The following NPC1 variants were observed in gnomAD, a reference collection of about 807,000 sequenced individuals.
The protein encoded by NPC1 is NPC intracellular cholesterol transporter 1.
A neutral mutation model predicts 140.4 loss-of-function variants in NPC1; 85 were observed. The ratio of observed to expected loss-of-function variants is 0.61; its 90% CI spans 0.51 to 0.72. The LOEUF is 0.72. Ranked by LOEUF, NPC1 falls within the 30% of genes least tolerant of loss-of-function variation. The pLI is 0.00. For synonymous variants in NPC1, 656 were observed against 624.8 expected, an observed-to-expected ratio of 1.05 and a Z score of -0.74; for missense variants, 1,504 against 1,623.8, an observed-to-expected ratio of 0.93 and a Z score of 1.27.
In NPC1 at chr18:23,531,586, T is replaced by C. The variant is rs2145318401; in HGVS notation, c.*616A>G. 1 of 1,602,398 alleles carries C rather than the reference T, an allele frequency of 6.2e-7. No individual in the cohort carries two copies. The highest frequency in any genetic ancestry group is 1.3e-5 in the African/African-American group (1 of 74,414). ...GATGCTTTCTTTGTCCCTCATTTCA[T>C]GCCACATCTAACTGGCAATTAAATC... On this transcript the variant is annotated 3_prime_UTR_variant, in exon 25 of 25. Coordinates refer to ENST00000269228, the MANE Select transcript of NPC1 (RefSeq NM_000271.5).
chr18:23,510,446 G>A (rs1251261581), intron 3 of NPC1, among the ~76,000 whole-genome samples: 6 of 151,982 alleles, frequency 3.9e-5, no homozygotes, highest in South Asian at 2.1e-4. Flanking sequence ...TCAGGAGTTC[G>A]AGACCAGCAT....
At chr18:23,515,912 T>C (rs202129997) in intron 3 of NPC1, 59 of 1,614,026 alleles carry the variant, frequency 3.7e-5, no homozygotes, top group Non-Finnish European at 5.0e-5. Flanking sequence ...TCAATGTGAA[T>C]TGGTACATGT....
downstream of NPC1, among the ~76,000 whole-genome samples, chr18:23,526,944 TAG>T (rs1003279995): frequency 6.6e-6 from 1 of 152,146 alleles, no homozygotes; most frequent in African/African-American, 2.4e-5. Context: ...AGATGATTTG[TAG>T]AGATACTGGT....
At position 23,539,845 on chromosome 18, in the gene NPC1, G is replaced by A. The variant is rs786204512; in HGVS notation, c.2761C>T (p.Gln921Ter). 1.2e-6 allele frequency: 2 copies of A among 1,614,202 alleles called. No individual in the cohort carries two copies. The highest frequency in any genetic ancestry group is 1.7e-6 in the Non-Finnish European group (2 of 1,180,042). Residue 921 changes from glutamine to a stop codon, truncating the protein, a stop_gained, in exon 18 of 25, where the codon CAG becomes TAG. Coordinates refer to ENST00000269228, the MANE Select transcript of NPC1 (RefSeq NM_000271.5). LOFTEE classifies it high-confidence loss of function. ...AGCTGCGCCGCGTTAAATATCTGCTGCACCAGGGAATCATTGTTGCAGCCC... is the reference window on the plus strand; with the variant it reads ...AGCTGCGCCGCGTTAAATATCTGCTACACCAGGGAATCATTGTTGCAGCCC... ...GMGCNNDSLV[Q>*]QIFNAAQLDN...
downstream of NPC1, chr18:23,526,641 C>T (rs1212850139): frequency 3.1e-6 from 5 of 1,613,866 alleles, no homozygotes; most frequent in Admixed American, 1.7e-5. Context: ...ATCCAGGTTA[C>T]CTCTGGAACC....
chr18:23,574,411 GC>G (rs2059245962), intron 1 of NPC1, among the ~76,000 whole-genome samples: 1 of 152,024 alleles, frequency 6.6e-6, no homozygotes, highest in Non-Finnish European at 1.5e-5. Context: ...TCAAGAAGCA[GC>G]CATGGCTCCC....
intron 3 of NPC1, chr18:23,516,194 C>A: frequency 1.5e-6 from 2 of 1,332,140 alleles, no homozygotes; most frequent in Non-Finnish European, 2.1e-6. Flanking sequence ...TGTGAGAGGA[C>A]ATGGGGGACG....
intron 14 of NPC1, 26 bp downstream of exon 14, chr18:23,543,429 A>G: frequency 7.7e-7 from 1 of 1,293,466 alleles, no homozygotes; most frequent in Non-Finnish European, 1.1e-6. Context: ...AGACTACAGG[A>G]CTGGTAGGAT....
Position 23,532,178 on chromosome 18 carries a change from C to G in NPC1, c.*24G>C. The G allele has an allele frequency of 6.2e-7, 1 of 1,614,146 alleles. No individual in the cohort carries two copies. Among genetic ancestry groups the G allele is most frequent in the Non-Finnish European group, 8.5e-7 (1 of 1,180,044 alleles). The stretch of plus-strand genomic sequence containing the variant: ...AACCGACCGACCCTTAGACACAGTT[C>G]AGTCAGGATGCCCTGCGAGAGGGCT... On this transcript the variant is annotated 3_prime_UTR_variant, in exon 25 of 25. Transcript: ENST00000269228.
chr18:23,562,214 G>A (rs1479045976), intron 4 of NPC1, among the ~76,000 whole-genome samples: 3 of 151,798 alleles, frequency 2.0e-5, no homozygotes, highest in Non-Finnish European at 2.9e-5. Flanking sequence ...GCATGAACCC[G>A]GGAGGCAGAG....
intron 1 of NPC1, chr18:23,524,272 C>T (rs949206251): frequency 3.3e-6 from 5 of 1,516,396 alleles, no homozygotes; most frequent in Non-Finnish European, 4.6e-6. Flanking sequence ...GTGAATAACA[C>T]TCCGAGAGCC....
At chr18:23,547,050 T>G (rs1449759509) in intron 11 of NPC1, among the ~76,000 whole-genome samples, 3 of 152,172 alleles carry the variant, frequency 2.0e-5, no homozygotes, top group Non-Finnish European at 2.9e-5. Context: ...ACTCCCGGCC[T>G]CAAGTGAGCC....
chr18:23,585,890 T>C (rs1184467616), intron 1 of NPC1, among the ~76,000 whole-genome samples: 1 of 152,168 alleles, frequency 6.6e-6, no homozygotes, highest in East Asian at 1.9e-4. Flanking sequence ...CATCCTCAGG[T>C]GATGAGAAGA....
chr18:23,507,548 GC>G (rs2057746477), intron 3 of NPC1, among the ~76,000 whole-genome samples: 1 of 152,158 alleles, frequency 6.6e-6, no homozygotes, highest in Non-Finnish European at 1.5e-5. Flanking sequence ...AGTTGAAGCA[GC>G]CTACAGGCAC....
rs1379156695 is a variant in NPC1, at chr18:23,542,207, C to T, written c.2246-774G>A. On this transcript the variant is annotated intron_variant, in intron 14 of 24. Coordinates refer to ENST00000269228, the MANE Select transcript of NPC1 (RefSeq NM_000271.5). ...ACAGTCTCTGCTGCTATTATCATCA[C>T]ACTTGCACTGGTTTTCTTATAATAG... 5.3e-5 allele frequency among the ~76,000 whole-genome samples: 8 copies of T among 151,956 alleles called. No individual in the cohort carries two copies. In the South Asian group the frequency reaches 1.5e-3, roughly 28 times the overall value.
chr18:23,586,459 G>A lies in NPC1; in HGVS notation c.-116C>T, dbSNP rs574376933. On this transcript the variant is annotated 5_prime_UTR_variant, in exon 1 of 25. Transcript: ENST00000269228. ...CCCGCGCAGGAGGAGCGGAGGAGCA[G>A]GAGCAGGCGCTGACCGCGGCAGCAG... 4.7e-6 allele frequency: 7 copies of A among 1,485,542 alleles called. No homozygotes were observed. In the African/African-American group the frequency reaches 5.8e-5, roughly 12 times the overall value. 92.0% of individuals were successfully genotyped at this position (1,485,542 alleles called of 1,614,324 possible).
rs3837910 is a variant in NPC1, at chr18:23,544,943, A to ACCCCCCCCCCCCCC, written c.1947+16_1947+17insGGGGGGGGGGGGGG. On this transcript the variant is annotated intron_variant, in intron 12 of 24. Transcript: ENST00000269228. The stretch of plus-strand genomic sequence containing the variant: ...GCTGTTAACCTCTAGAACATACACC[A>ACCCCCCCCCCCCCC]CCCCCCCCCGGCTTACCAGAAGCCT... 5.8e-6 allele frequency: 6 copies of ACCCCCCCCCCCCCC among 1,042,300 alleles called. No individual in the cohort carries two copies. Among genetic ancestry groups the ACCCCCCCCCCCCCC allele is most frequent in the East Asian group, 6.5e-5 (2 of 30,638 alleles). The allele number at this position is 1,042,300 out of a possible 1,614,324, so 64.6% of individuals were successfully genotyped here. A position where few individuals can be genotyped will look rare whatever the true frequency, so the allele number is the denominator to read the frequency against.
chr18:23,507,451 A>G (rs117412499), intron 3 of NPC1, among the ~76,000 whole-genome samples: 1,835 of 152,280 alleles, frequency 0.012, 16 homozygotes, highest in Non-Finnish European at 0.019. Context: ...GCAGCATAGA[A>G]TATGTGAGGT....
Position 23,568,885 on chromosome 18 carries a change from G to A in NPC1, c.401C>T (p.Thr134Ile). The A allele has an allele frequency of 6.2e-7, 1 of 1,614,010 alleles. No homozygotes were observed. Among genetic ancestry groups the A allele is most frequent in the African/African-American group, 1.3e-5 (1 of 75,052 alleles). ...TTTCACATTTGTTTTCGTCTGGTTT[G>A]TAACAGGATCAACATAATCTTCAGT... ...TATEDYVDPV[T>I]NQTKTNVKEL... is the part of the protein sequence containing the mutation. Residue 134 changes from threonine (T) to isoleucine (I), a missense_variant, in exon 4 of 25, where the codon ACA becomes ATA. Coordinates refer to ENST00000269228, the MANE Select transcript of NPC1 (RefSeq NM_000271.5).
Sources: gnomAD v4.1 joint callset for allele counts (sites outside exome capture counted in the v4.1 genomes callset) on GRCh38, gnomAD v4.1.1 for gene constraint, MANE v1.5 for transcripts, NCBI Gene and HGNC (gene_info 2026-07-23, HGNC 2026-07-21) for gene names.